The following LINGO2 variants were observed in gnomAD, a reference collection of about 807,000 sequenced individuals.
LINGO2 encodes leucine rich repeat and Ig domain containing 2, also known as leucine-rich repeat and immunoglobulin-like domain-containing nogo receptor-interacting protein 2.
A neutral mutation model predicts 30.6 loss-of-function variants in LINGO2; 14 were observed. The observed-to-expected ratio is 0.46, with a 90% CI of 0.30 to 0.72. The LOEUF (loss-of-function observed/expected upper bound fraction) is 0.72. LINGO2 is among the 30% of genes least tolerant of loss of function. The probability of loss-of-function intolerance (pLI) is 0.07; values close to 1 mark genes in which losing one functional copy is unlikely to be tolerated. For missense variants in LINGO2, 729 were observed against 751.7 expected (o/e 0.97, Z 0.35); for synonymous variants, 317 against 288.5 (o/e 1.10, Z -1.00).
intron 1 of LINGO2, among the ~76,000 whole-genome samples, chr9:28,611,169 A>G (rs1266762324): frequency 6.6e-6 from 1 of 152,180 alleles, no homozygotes; most frequent in African/African-American, 2.4e-5. Flanking sequence ...GAAGGTCAAA[A>G]TATCTTTAAA....
the LINGO2 span, among the ~76,000 whole-genome samples, chr9:29,165,794 C>G: frequency 6.6e-6 from 1 of 151,994 alleles, no homozygotes; most frequent in East Asian, 1.9e-4. Flanking sequence ...AATGAAAAAT[C>G]GTGCAAAGGA....
At chr9:28,616,081 C>T (rs1420076772) in intron 1 of LINGO2, among the ~76,000 whole-genome samples, 2 of 152,016 alleles carry the variant, frequency 1.3e-5, no homozygotes, top group Non-Finnish European at 2.9e-5. Context: ...ATTATTAATA[C>T]ATGGTATGTT....
the LINGO2 span, among the ~76,000 whole-genome samples, chr9:29,065,495 G>C: frequency 6.6e-6 from 1 of 152,060 alleles, no homozygotes. Flanking sequence ...TGGCTAGCCA[G>C]TTCTCTCAGC....
At chr9:27,977,447 A>G (rs750709200) in intron 5 of LINGO2, among the ~76,000 whole-genome samples, 2 of 151,962 alleles carry the variant, frequency 1.3e-5, no homozygotes, top group Non-Finnish European at 2.9e-5. Context: ...TATTGCCTCA[A>G]AAGAAAATTA....
the LINGO2 span, among the ~76,000 whole-genome samples, chr9:28,822,302 C>T: frequency 6.6e-6 from 1 of 152,122 alleles, no homozygotes; most frequent in Non-Finnish European, 1.5e-5. Context: ...ATAAACCTGG[C>T]CTGCACTACG....
the LINGO2 span, among the ~76,000 whole-genome samples, chr9:28,678,789 A>C: frequency 6.6e-6 from 1 of 152,138 alleles, no homozygotes; most frequent in Admixed American, 6.6e-5. Flanking sequence ...AAACATGCAA[A>C]CTTAAGATGA....
chr9:28,553,491 G>C (rs1822432062), intron 1 of LINGO2, among the ~76,000 whole-genome samples: 1 of 152,066 alleles, frequency 6.6e-6, no homozygotes, highest in Non-Finnish European at 1.5e-5. Context: ...AGAAATATGG[G>C]ACTATGTGAA....
the LINGO2 span, among the ~76,000 whole-genome samples, chr9:28,757,764 G>T: frequency 6.6e-6 from 1 of 151,844 alleles, no homozygotes; most frequent in Non-Finnish European, 1.5e-5. Context: ...GAGGGAGAGG[G>T]TCAGCAACTG....
the LINGO2 span, among the ~76,000 whole-genome samples, chr9:29,085,688 C>T: frequency 6.6e-6 from 1 of 152,078 alleles, no homozygotes; most frequent in Non-Finnish European, 1.5e-5. Context: ...CTAATAAAAC[C>T]TAAACTTACT....
chr9:28,924,696 T>C, the LINGO2 span, among the ~76,000 whole-genome samples: 1 of 152,238 alleles, frequency 6.6e-6, no homozygotes, highest in Admixed American at 6.5e-5. Flanking sequence ...ATCAAGCTTA[T>C]ATTTAAAAAG....
chr9:28,558,019 A>T (rs1822833801), intron 1 of LINGO2, among the ~76,000 whole-genome samples: 2 of 119,268 alleles, frequency 1.7e-5, no homozygotes, highest in Admixed American at 9.0e-5. Flanking sequence ...GGGGGGAGGG[A>T]TAGCATTGGG....
the LINGO2 span, among the ~76,000 whole-genome samples, chr9:29,102,888 T>A: frequency 7.2e-5 from 11 of 152,050 alleles, no homozygotes; most frequent in Admixed American, 6.6e-5. Context: ...TTCCACAATC[T>A]CCATTGAAAG....
At chr9:29,162,694 T>C in the LINGO2 span, among the ~76,000 whole-genome samples, 1 of 152,180 alleles carries the variant, frequency 6.6e-6, no homozygotes, top group Non-Finnish European at 1.5e-5. Context: ...AAACTAAATA[T>C]TGTTTGTGAT....
chr9:28,589,488 G>A (rs1321069764), intron 1 of LINGO2, among the ~76,000 whole-genome samples: 1 of 152,038 alleles, frequency 6.6e-6, no homozygotes, highest in African/African-American at 2.4e-5. Flanking sequence ...AAAATCACAA[G>A]CATTCTTATA....
intron 5 of LINGO2, among the ~76,000 whole-genome samples, chr9:27,990,760 C>G (rs893231993): frequency 6.6e-6 from 1 of 152,008 alleles, no homozygotes; most frequent in African/African-American, 2.4e-5. Flanking sequence ...ATGTGGTTAA[C>G]CACTCTGATA....
intron 2 of LINGO2, among the ~76,000 whole-genome samples, chr9:28,434,531 A>G (rs1194391818): frequency 2.0e-5 from 1 of 50,346 alleles, no homozygotes; most frequent in African/African-American, 5.8e-5. Flanking sequence ...TTGAGCATCA[A>G]AAAAAAAAAA....
At chr9:28,541,681 A>T (rs1821705648) in intron 1 of LINGO2, among the ~76,000 whole-genome samples, 1 of 152,148 alleles carries the variant, frequency 6.6e-6, no homozygotes, top group African/African-American at 2.4e-5. Flanking sequence ...AAAATGACAA[A>T]TATGCTTATT....
chr9:28,729,331 G>T, the LINGO2 span, among the ~76,000 whole-genome samples: 1 of 152,072 alleles, frequency 6.6e-6, no homozygotes, highest in African/African-American at 2.4e-5. Flanking sequence ...CTAAGTTTTT[G>T]TAAGTTAATC....
At chr9:28,962,783 T>C in the LINGO2 span, among the ~76,000 whole-genome samples, 2 of 151,724 alleles carry the variant, frequency 1.3e-5, no homozygotes, top group Admixed American at 1.3e-4. Context: ...TTATTTTGTA[T>C]CCTCCTTTTA....
Sources: gnomAD v4.1 joint callset for allele counts (sites outside exome capture counted in the v4.1 genomes callset) on GRCh38, gnomAD v4.1.1 for gene constraint, MANE v1.5 for transcripts, NCBI Gene and HGNC (gene_info 2026-07-23, HGNC 2026-07-21) for gene names.